The following DLG2 variants were observed in gnomAD, a reference collection of about 807,000 sequenced individuals.
DLG2 encodes discs large MAGUK scaffold protein 2.
In DLG2, 45 loss-of-function variants were observed where a neutral mutation model predicts 132.5. That is an observed-to-expected ratio of 0.34 (90% CI 0.27 to 0.44). The LOEUF (loss-of-function observed/expected upper bound fraction) is 0.44, where lower values mean the gene tolerates loss of function less well. Ranked by LOEUF, DLG2 falls within the 20% of genes least tolerant of loss-of-function variation. The pLI, the probability that DLG2 is intolerant of heterozygous loss-of-function variation, is 1.00. For synonymous variants in DLG2, 424 were observed against 419.6 expected, an observed-to-expected ratio of 1.01 and a Z score of -0.13; for missense variants, 1,045 against 1,196.9, an observed-to-expected ratio of 0.87 and a Z score of 1.87.
At chr11:83,916,706 C>A (rs2076979386) in intron 15 of DLG2, among the ~76,000 whole-genome samples, 1 of 152,174 alleles carries the variant, frequency 6.6e-6, no homozygotes, top group African/African-American at 2.4e-5. Flanking sequence ...CTTTCCCCAT[C>A]CCAATCATAC....
intron 6 of DLG2, among the ~76,000 whole-genome samples, chr11:84,714,527 C>CTCTTTT (rs1565747479): frequency 7.7e-5 from 8 of 103,710 alleles, no homozygotes; most frequent in African/African-American, 6.4e-4. Context: ...AACCCATTTC[C>CTCTTTT]TCTTTCTCTT....
At chr11:85,448,432 C>T (rs2092102467) in intron 3 of DLG2, among the ~76,000 whole-genome samples, 2 of 152,132 alleles carry the variant, frequency 1.3e-5, no homozygotes, top group South Asian at 4.1e-4. Context: ...CCCTGACATT[C>T]ATCAGGCTGG....
intron 6 of DLG2, among the ~76,000 whole-genome samples, chr11:85,082,824 G>C (rs1209285993): frequency 7.8e-6 from 1 of 128,050 alleles, no homozygotes; most frequent in African/African-American, 2.9e-5. Context: ...ATTCTGATTT[G>C]AACAAGTATA....
chr11:84,048,233 C>A (rs2096279239), intron 11 of DLG2, among the ~76,000 whole-genome samples: 1 of 151,570 alleles, frequency 6.6e-6, no homozygotes, highest in Non-Finnish European at 1.5e-5. Context: ...TCTAAGAAGA[C>A]TGTTTCCCTG....
chr11:85,559,781 T>TAC (rs953454031), intron 3 of DLG2, among the ~76,000 whole-genome samples: 63 of 149,952 alleles, frequency 4.2e-4, no homozygotes, highest in African/African-American at 1.5e-3. Context: ...AAATCTAAAA[T>TAC]ACACACACAC....
chr11:85,344,998 A>G (rs2082733490), intron 3 of DLG2, among the ~76,000 whole-genome samples: 1 of 151,736 alleles, frequency 6.6e-6, no homozygotes, highest in East Asian at 1.9e-4. Flanking sequence ...ACTGTACTTA[A>G]GTAGAATAGG....
intron 21 of DLG2, among the ~76,000 whole-genome samples, chr11:83,517,110 G>A (rs1286177384): frequency 6.6e-6 from 1 of 152,176 alleles, no homozygotes; most frequent in Non-Finnish European, 1.5e-5. Context: ...ATAATATCCT[G>A]CAGAGTGTTT....
intron 9 of DLG2, among the ~76,000 whole-genome samples, chr11:84,110,903 C>A (rs528155347): frequency 2.6e-5 from 4 of 152,228 alleles, no homozygotes; most frequent in Non-Finnish European, 5.9e-5. Context: ...ATTTTGTAAA[C>A]TGCTCACCAT....
chr11:84,389,090 T>C lies in DLG2; in HGVS notation c.520-137799A>G, dbSNP rs1037953779. On this transcript the variant is annotated intron_variant, in intron 7 of 27. Coordinates refer to ENST00000376104, the MANE Select transcript of DLG2 (RefSeq NM_001142699.3). ...AAAGTATTAGAGAGCACCATATCTA[T>C]AGCTAATCTCTACAGCTAATGTTGC... 3.3e-5 allele frequency among the ~76,000 whole-genome samples: 5 copies of C among 152,170 alleles called. No individual in the cohort carries two copies. The South Asian group carries it at 8.3e-4, about 25-fold the overall frequency.
At chr11:85,428,837 G>A in intron 3 of DLG2, among the ~76,000 whole-genome samples, 1 of 152,072 alleles carries the variant, frequency 6.6e-6, no homozygotes, top group Non-Finnish European at 1.5e-5. Context: ...ATGAATCCAG[G>A]AGCTGGTTTT....
rs141137380 is a variant in DLG2, at chr11:85,281,801, G to A, written c.186+3419C>T. On this transcript the variant is annotated intron_variant, in intron 4 of 27. Transcript: ENST00000376104. ...AACCACTATAGAGAACGGTATGGAGGTTCCTCAAAAAACTAAACTTAGAGC... is the reference window on the plus strand; with the variant it reads ...AACCACTATAGAGAACGGTATGGAGATTCCTCAAAAAACTAAACTTAGAGC... Among the ~76,000 whole-genome samples, 90 of 152,060 alleles carry A rather than the reference G, an allele frequency of 5.9e-4. No homozygotes were observed. The East Asian group carries it at 0.016, about 28-fold the overall frequency.
At chr11:84,006,204 A>G (rs79956899) in intron 11 of DLG2, among the ~76,000 whole-genome samples, 2,508 of 151,948 alleles carry the variant, frequency 0.017, 70 homozygotes, top group African/African-American at 0.056. Flanking sequence ...GTCATTATAT[A>G]AAGTGAAATA....
chr11:84,087,718 A>G (rs1396269584), intron 10 of DLG2, among the ~76,000 whole-genome samples: 1 of 152,182 alleles, frequency 6.6e-6, no homozygotes, highest in Non-Finnish European at 1.5e-5. Flanking sequence ...TAAAGGTTGG[A>G]TGGAGAAAAG....
chr11:84,724,966 G>A (rs1401515776), intron 6 of DLG2, among the ~76,000 whole-genome samples: 1 of 152,126 alleles, frequency 6.6e-6, no homozygotes, highest in Non-Finnish European at 1.5e-5. Flanking sequence ...TAAAACATCT[G>A]TTCAGACATT....
chr11:84,363,439 A>C (rs2098662759), intron 7 of DLG2, among the ~76,000 whole-genome samples: 1 of 151,266 alleles, frequency 6.6e-6, no homozygotes, highest in South Asian at 2.1e-4. Flanking sequence ...GGTTGTGAAA[A>C]TTTTCTCCCA....
chr11:85,551,568 TTAAA>T (rs996164782), intron 3 of DLG2, among the ~76,000 whole-genome samples: 4 of 152,008 alleles, frequency 2.6e-5, no homozygotes, highest in African/African-American at 7.2e-5. Flanking sequence ...AATTCACAAA[TTAAA>T]TATATTTAAA....
At chr11:83,859,306 C>A (rs1229912322) in intron 16 of DLG2, among the ~76,000 whole-genome samples, 1 of 152,068 alleles carries the variant, frequency 6.6e-6, no homozygotes, top group Non-Finnish European at 1.5e-5. Flanking sequence ...GTTTGGGACT[C>A]CCTAGAGACT....
At chr11:85,489,424 A>T (rs2093506426) in intron 3 of DLG2, among the ~76,000 whole-genome samples, 1 of 152,200 alleles carries the variant, frequency 6.6e-6, no homozygotes, top group Admixed American at 6.5e-5. Flanking sequence ...AAATATTATT[A>T]GACCTACAGA....
intron 7 of DLG2, among the ~76,000 whole-genome samples, chr11:84,442,824 T>C (rs2099021572): frequency 6.6e-6 from 1 of 152,160 alleles, no homozygotes; most frequent in South Asian, 2.1e-4. Context: ...ATAAACTCAC[T>C]AATAAATATT....
Sources: allele counts gnomAD v4.1 joint callset (sites outside exome capture counted in the v4.1 genomes callset), GRCh38; gene constraint gnomAD v4.1.1; transcripts MANE v1.5; gene names NCBI Gene and HGNC (gene_info 2026-07-23, HGNC 2026-07-21).